ELP1: variants seen among roughly 807,000 people sequenced by gnomAD.
ELP1 encodes elongator acetyltransferase complex subunit 1.
In ELP1, 131 loss-of-function variants were observed where a neutral mutation model predicts 183.2. That is an observed-to-expected ratio of 0.72 (90% CI 0.62 to 0.83). ELP1 has a LOEUF of 0.83. Among genes scored for constraint, ELP1 ranks in the 40% least tolerant of loss-of-function variants. The pLI is 0.00. For synonymous variants in ELP1, 555 were observed against 569.0 expected, an observed-to-expected ratio of 0.98 and a Z score of 0.35; for missense variants, 1,550 against 1,594.9, an observed-to-expected ratio of 0.97 and a Z score of 0.48.
At chr9:108,878,853 C>T in intron 33 of ELP1, 103 bp from the exon 34 acceptor site, 4 of 1,167,920 alleles carry the variant, frequency 3.4e-6, no homozygotes, top group Admixed American at 1.8e-5. Flanking sequence ...GATGACCCCA[C>T]ACAACTTCAC....
At chr9:108,930,851 A>G (rs926258622) in intron 2 of ELP1, 146 bp downstream of exon 2, 2 of 773,962 alleles carry the variant, frequency 2.6e-6, no homozygotes, top group Non-Finnish European at 2.2e-6. Flanking sequence ...TATGTCTAAC[A>G]TGGCATATAT....
chr9:108,895,163 A>T (rs940215244), intron 25 of ELP1, among the ~76,000 whole-genome samples: 5 of 152,184 alleles, frequency 3.3e-5, no homozygotes, highest in African/African-American at 1.2e-4. Flanking sequence ...TAGGAGGCGT[A>T]GGTTGCAGTG....
intron 29 of ELP1, among the ~76,000 whole-genome samples, chr9:108,884,001 A>G (rs1026082651): frequency 1.4e-5 from 2 of 145,998 alleles, no homozygotes; most frequent in African/African-American, 5.0e-5. Flanking sequence ...AATTAGATTT[A>G]AAAAAAAAAA....
chr9:108,928,566 A>G (rs1417193646), intron 3 of ELP1, among the ~76,000 whole-genome samples: 1 of 152,232 alleles, frequency 6.6e-6, no homozygotes, highest in East Asian at 1.9e-4. Context: ...ACGTACACAC[A>G]GGAACAATGG....
chr9:108,882,193 A>C lies in ELP1; in HGVS notation c.3223-6T>G. On this transcript the variant is annotated splice_polypyrimidine_tract_variant and splice_region_variant and intron_variant, in intron 29 of 36. Coordinates refer to ENST00000374647, the MANE Select transcript of ELP1 (RefSeq NM_003640.5). ...AGCACAGCTTCTTCATAATCCTGAC[A>C]AGGGAACAGGAAGAAGACAACAAGT... The C allele has an allele frequency of 1.2e-6, 2 of 1,612,182 alleles. No individual in the cohort carries two copies. Among genetic ancestry groups the C allele is most frequent in the South Asian group, 1.1e-5 (1 of 91,070 alleles).
At chr9:108,918,310 G>A (rs1829522455) in intron 8 of ELP1, among the ~76,000 whole-genome samples, 2 of 152,142 alleles carry the variant, frequency 1.3e-5, no homozygotes, top group Admixed American at 6.5e-5. Flanking sequence ...AAGGGTACTG[G>A]GCCAAGGAGG....
intron 16 of ELP1, among the ~76,000 whole-genome samples, chr9:108,902,071 C>G (rs773930976): frequency 1.7e-4 from 26 of 152,184 alleles, no homozygotes; most frequent in Non-Finnish European, 3.2e-4. Flanking sequence ...AGTTTCTAAT[C>G]TTTGTTCAAT....
chr9:108,888,103 A>G (rs1346730443), intron 29 of ELP1, among the ~76,000 whole-genome samples: 1 of 152,250 alleles, frequency 6.6e-6, no homozygotes, highest in Non-Finnish European at 1.5e-5. Context: ...GGAATAAACT[A>G]CAACATGGAT....
chr9:108,912,180 A>G, intron 11 of ELP1, 84 bp downstream of exon 11: 1 of 1,026,674 alleles, frequency 9.7e-7, no homozygotes, highest in Non-Finnish European at 1.5e-6. Flanking sequence ...AAGATTCCCC[A>G]CTGTTCCAGT....
Position 108,878,762 on chromosome 9 carries a change from TAC to T in ELP1, c.3573-14_3573-13del, listed in dbSNP as rs1564071309. 2.5e-6 allele frequency: 4 copies of T among 1,613,450 alleles called. No homozygotes were observed. In the East Asian group the frequency reaches 6.7e-5, roughly 27 times the overall value. On this transcript the variant is annotated splice_polypyrimidine_tract_variant and intron_variant, in intron 33 of 36. Transcript: ENST00000374647. ...TCTTGGATGATCTCCTGTTAGAAAT[TAC>T]ACAGATATTTTTAAGCCTCCTGAGT...
At chr9:108,870,685 C>T (rs998181435) in intron 36 of ELP1, among the ~76,000 whole-genome samples, 12 of 151,572 alleles carry the variant, frequency 7.9e-5, no homozygotes, top group Admixed American at 3.3e-4. Flanking sequence ...TTTCATTTCT[C>T]TAAGGTACCA....
chr9:108,869,209 G>A (rs950832155), intron 36 of ELP1, 27 bp from the exon 37 acceptor site: 1 of 1,598,926 alleles, frequency 6.3e-7, no homozygotes, highest in Admixed American at 1.7e-5. Context: ...AAGGGAAATT[G>A]TGACAGACAT....
chr9:108,889,447 C>G (rs1828242730), intron 28 of ELP1, 54 bp from the exon 29 acceptor site: 5 of 1,492,744 alleles, frequency 3.3e-6, no homozygotes, highest in Admixed American at 3.3e-5. Context: ...TACTTTAGCT[C>G]AAGTGCTTCT....
At chr9:108,900,728 A>G (rs571666593) in intron 18 of ELP1, among the ~76,000 whole-genome samples, 10 of 152,222 alleles carry the variant, frequency 6.6e-5, no homozygotes, top group Non-Finnish European at 1.5e-4. Context: ...AAGCAAAGAA[A>G]ATAAGTTGGC....
At chr9:108,880,199 G>A (rs1827872847) in intron 31 of ELP1, 34 bp from the exon 32 acceptor site, 1 of 1,422,630 alleles carries the variant, frequency 7.0e-7, no homozygotes, top group Non-Finnish European at 9.9e-7. Flanking sequence ...GTTTGAGCAT[G>A]AGGTTTAAGC....
At position 108,927,249 on chromosome 9, in the gene ELP1, A is replaced by G. The variant is rs143477397; in HGVS notation, c.385+123T>C. The G allele has an allele frequency of 3.1e-5, 24 of 764,004 alleles. No homozygotes were observed. In the African/African-American group the frequency reaches 3.4e-4, roughly 11 times the overall value. 47.3% of individuals were successfully genotyped at this position (764,004 alleles called of 1,614,324 possible). ...CATAATTGGTATTATACTGGTTCATAATTGGTATTATACTGGTTCAAAGAA... is the reference window on the plus strand; with the variant it reads ...CATAATTGGTATTATACTGGTTCATGATTGGTATTATACTGGTTCAAAGAA... On this transcript the variant is annotated intron_variant, in intron 4 of 36. Transcript: ENST00000374647.
Position 108,906,314 on chromosome 9 carries a change from C to T in ELP1, c.1632G>A (p.Gln544=), listed in dbSNP as rs1273015420. Residue 544 remains glutamine, a synonymous_variant, in exon 14 of 37, where the codon CAG becomes CAA. Coordinates refer to ENST00000374647, the MANE Select transcript of ELP1 (RefSeq NM_003640.5). ...AAAAACTGCAATACCTGACATTGAG[C>T]TGTCCATGCTCTTCATCCATCTCAG... ...ASSEMDEEHG[Q]LNVSSSAAVD... The T allele has an allele frequency of 6.2e-7, 1 of 1,613,902 alleles. No homozygotes were observed. Among genetic ancestry groups the T allele is most frequent in the Admixed American group, 1.7e-5 (1 of 60,014 alleles).
At chr9:108,899,792 AC>A (rs771040414) in intron 20 of ELP1, 29 bp downstream of exon 20, 3 of 1,560,360 alleles carry the variant, frequency 1.9e-6, no homozygotes, top group Non-Finnish European at 2.7e-6. Context: ...TCACAAGCTA[AC>A]TAGTCGCAAA....
intron 14 of ELP1, among the ~76,000 whole-genome samples, chr9:108,905,997 TTATAACA>T (rs1337276079): frequency 6.6e-6 from 1 of 152,068 alleles, no homozygotes; most frequent in Admixed American, 6.6e-5. Flanking sequence ...TTAAAATCAA[TTATAACA>T]TATAACAATC....
Sources: gnomAD v4.1 joint callset for allele counts (sites outside exome capture counted in the v4.1 genomes callset) on GRCh38, gnomAD v4.1.1 for gene constraint, MANE v1.5 for transcripts, NCBI Gene and HGNC (gene_info 2026-07-23, HGNC 2026-07-21) for gene names.